Variants in OSBPL2 observed in about 807,000 individuals in gnomAD.
OSBPL2 encodes oxysterol-binding protein-related protein 2.
A neutral mutation model predicts 58.4 loss-of-function variants in OSBPL2; 18 were observed. That is an observed-to-expected ratio of 0.31 (90% CI 0.21 to 0.46). The LOEUF is 0.46. OSBPL2 is among the 20% of genes least tolerant of loss of function. OSBPL2 has a pLI of 1.00. For synonymous variants in OSBPL2, 221 were observed against 234.1 expected (o/e 0.94, Z 0.51); for missense variants, 461 against 616.5 (o/e 0.75, Z 2.67).
At chr20:62,292,753 G>A (rs1416845098) in intron 13 of OSBPL2, among the ~76,000 whole-genome samples, 1 of 152,122 alleles carries the variant, frequency 6.6e-6, no homozygotes, top group African/African-American at 2.4e-5. Context: ...CATGTGGCTG[G>A]CGTTTTGAAA....
chr20:62,252,181 G>A (rs1320212222), intron 1 of OSBPL2, among the ~76,000 whole-genome samples: 2 of 150,862 alleles, frequency 1.3e-5, no homozygotes, highest in African/African-American at 2.5e-5. Context: ...ACTGCACCTG[G>A]CCAGTATGTC....
intron 3 of OSBPL2, among the ~76,000 whole-genome samples, chr20:62,262,685 A>G (rs1272125646): frequency 7.9e-5 from 12 of 152,180 alleles, no homozygotes; most frequent in Non-Finnish European, 4.4e-5. Context: ...CTGACGTGGC[A>G]TTCCCGGGGC....
intron 10 of OSBPL2, 35 bp downstream of exon 10, chr20:62,284,204 C>T (rs370599609): frequency 7.4e-6 from 12 of 1,613,574 alleles, no homozygotes; most frequent in Non-Finnish European, 9.3e-6. Flanking sequence ...AGAGCTGAGC[C>T]CTGGGTGCTG....
At chr20:62,254,433 T>C (rs1980783452) in intron 1 of OSBPL2, among the ~76,000 whole-genome samples, 1 of 152,270 alleles carries the variant, frequency 6.6e-6, no homozygotes, top group South Asian at 2.1e-4. Flanking sequence ...TTCTCCCGTC[T>C]GCAAGGGCAA....
intron 8 of OSBPL2, 71 bp downstream of exon 8, chr20:62,281,236 C>A: frequency 1.8e-6 from 2 of 1,115,894 alleles, no homozygotes; most frequent in African/African-American, 1.5e-5. Flanking sequence ...GGAGCGTGAG[C>A]ATCCGTGCTC....
chr20:62,266,664 A>AC (rs1981685892), intron 4 of OSBPL2, among the ~76,000 whole-genome samples: 1 of 151,702 alleles, frequency 6.6e-6, no homozygotes, highest in Non-Finnish European at 1.5e-5. Context: ...TTTGGTCCAC[A>AC]CCCCCCACTT....
Position 62,272,214 on chromosome 20 carries a change from C to A in OSBPL2, c.348C>A (p.Leu116=). The stretch of plus-strand genomic sequence containing the variant: ...CGGAGTACATGGAGCACGTGTACCT[C>A]ATCCACAGGGCCTCCTGCCAGCCCC... The part of the protein sequence containing the change: ...RITEYMEHVY[L]IHRASCQPQP... Residue 116 remains leucine (L), a synonymous_variant, in exon 5 of 14, where the codon CTC becomes CTA. Transcript: ENST00000313733. 1 of 1,613,798 alleles carries A rather than the reference C, an allele frequency of 6.2e-7. No homozygotes were observed. The highest frequency in any genetic ancestry group is 8.5e-7 in the Non-Finnish European group (1 of 1,179,944).
intron 12 of OSBPL2, among the ~76,000 whole-genome samples, chr20:62,289,753 A>C (rs1466795479): frequency 6.6e-6 from 1 of 151,906 alleles, no homozygotes; most frequent in Non-Finnish European, 1.5e-5. Context: ...AAAATACAAG[A>C]GATTAGGCGG....
chr20:62,248,053 C>G (rs1168787302), intron 1 of OSBPL2, among the ~76,000 whole-genome samples: 1 of 152,008 alleles, frequency 6.6e-6, no homozygotes, highest in Non-Finnish European at 1.5e-5. Context: ...GCTCTGTGCA[C>G]AGTTGTTTAT....
At position 62,264,421 on chromosome 20, in the gene OSBPL2, C is replaced by T. The variant is rs576996214; in HGVS notation, c.258+730C>T. The stretch of plus-strand genomic sequence containing the variant: ...GAACCCAAGCTGTGCCTCACAGGGG[C>T]GGGGAGTGTCCCGTGCCTCCTGTAC... On this transcript the variant is annotated intron_variant, in intron 4 of 13. Transcript: ENST00000313733. Among the ~76,000 whole-genome samples the T allele has an allele frequency of 2.1e-4, 32 of 152,238 alleles. No individual in the cohort carries two copies. In the East Asian group the frequency reaches 4.3e-3, roughly 20 times the overall value.
chr20:62,279,485 G>A, intron 7 of OSBPL2, 146 bp downstream of exon 7: 1 of 759,748 alleles, frequency 1.3e-6, no homozygotes, highest in Non-Finnish European at 2.1e-6. Context: ...AACGTCTTCA[G>A]ATGAGCTTCC....
At chr20:62,238,672 G>T (rs1979491965) in intron 1 of OSBPL2, 75 bp downstream of exon 1, 1 of 148,126 alleles carries the variant, frequency 6.8e-6, no homozygotes, top group South Asian at 2.1e-4. Flanking sequence ...GCGGGCTGGG[G>T]CTGGAGCCGG....
chr20:62,247,415 C>T (rs895687289), intron 1 of OSBPL2, among the ~76,000 whole-genome samples: 6 of 152,194 alleles, frequency 3.9e-5, no homozygotes, highest in Non-Finnish European at 8.8e-5. Flanking sequence ...TGATTGCTGC[C>T]CCCACGCCGC....
chr20:62,241,423 A>G (rs1007520242), intron 1 of OSBPL2, among the ~76,000 whole-genome samples: 2 of 152,248 alleles, frequency 1.3e-5, no homozygotes, highest in East Asian at 1.9e-4. Flanking sequence ...CATTCAGCCA[A>G]TTACAAAAGT....
chr20:62,261,459 T>C (rs149464582), intron 3 of OSBPL2, among the ~76,000 whole-genome samples: 2,347 of 152,286 alleles, frequency 0.015, 28 homozygotes, highest in Non-Finnish European at 0.023. Flanking sequence ...TGCTCCAGCC[T>C]GGCCTCAGGC....
At chr20:62,290,695 C>T (rs1306693174) in intron 12 of OSBPL2, among the ~76,000 whole-genome samples, 1 of 150,908 alleles carries the variant, frequency 6.6e-6, no homozygotes, top group African/African-American at 2.4e-5. Context: ...GCTGGGATTA[C>T]AGGCATGAAC....
intron 1 of OSBPL2, among the ~76,000 whole-genome samples, chr20:62,249,290 C>T (rs1405397219): frequency 6.6e-6 from 1 of 152,154 alleles, no homozygotes; most frequent in African/African-American, 2.4e-5. Flanking sequence ...AGCACAGACT[C>T]AGGCCCCAGG....
intron 6 of OSBPL2, 49 bp downstream of exon 6, chr20:62,273,455 G>A: frequency 7.5e-7 from 1 of 1,330,130 alleles, no homozygotes; most frequent in South Asian, 1.2e-5. Flanking sequence ...GGAATTCCTT[G>A]GATGACAGAT....
intron 9 of OSBPL2, among the ~76,000 whole-genome samples, chr20:62,282,262 G>T (rs1351139838): frequency 6.6e-6 from 1 of 152,152 alleles, no homozygotes; most frequent in Non-Finnish European, 1.5e-5. Flanking sequence ...ACGTTGTCAG[G>T]CAAGACTCAA....
Sources: gnomAD v4.1 joint callset for allele counts (sites outside exome capture counted in the v4.1 genomes callset) on GRCh38, gnomAD v4.1.1 for gene constraint, MANE v1.5 for transcripts, NCBI Gene and HGNC (gene_info 2026-07-23, HGNC 2026-07-21) for gene names.